MOK: variants seen among roughly 807,000 people sequenced by gnomAD.
The protein encoded by MOK is MAPK/MAK/MRK overlapping kinase.
Under a neutral mutation model 54.2 loss-of-function variants are expected in MOK, and 59 were observed. That is an observed-to-expected ratio of 1.09 (90% confidence interval 0.88 to 1.35). The LOEUF is 1.35. Ranked by LOEUF, MOK falls within the 40% of genes most tolerant of loss-of-function variation. MOK has a pLI of 0.00. For missense variants in MOK, 517 were observed against 526.2 expected (o/e 0.98, Z 0.17); for synonymous variants, 210 against 202.7 (o/e 1.04, Z -0.31).
chr14:102,224,335 C>T (rs577078094), downstream of MOK, among the ~76,000 whole-genome samples: 22 of 152,136 alleles, frequency 1.4e-4, no homozygotes, highest in African/African-American at 4.6e-4. Context: ...CCACTGCGCC[C>T]GGCCTTACCT....
chr14:102,292,365 C>G (rs1376013246), intron 1 of MOK, among the ~76,000 whole-genome samples: 1 of 151,744 alleles, frequency 6.6e-6, no homozygotes, highest in Non-Finnish European at 1.5e-5. Context: ...CCCAGCTACT[C>G]AGGAGGCTGA....
intron 1 of MOK, among the ~76,000 whole-genome samples, chr14:102,287,291 A>G (rs1391265581): frequency 6.6e-6 from 1 of 152,150 alleles, no homozygotes; most frequent in Non-Finnish European, 1.5e-5. Flanking sequence ...CAACATGGCG[A>G]AACTCCATCT....
chr14:102,298,755 C>T (rs139728594), intron 1 of MOK, among the ~76,000 whole-genome samples: 8 of 152,276 alleles, frequency 5.3e-5, no homozygotes, highest in Middle Eastern at 3.4e-3. Flanking sequence ...TGTTCTTTCA[C>T]CCTTTAAAAT....
chr14:102,229,221 A>T lies in MOK; in HGVS notation c.*68T>A. 6.9e-7 allele frequency: 1 copy of T among 1,459,130 alleles called. No homozygotes were observed. Among genetic ancestry groups the T allele is most frequent in the Non-Finnish European group, 9.3e-7 (1 of 1,077,282 alleles). 90.4% of individuals were successfully genotyped at this position (1,459,130 alleles called of 1,614,324 possible). A position where few individuals can be genotyped will look rare whatever the true frequency, so the allele number is the denominator to read the frequency against. ...CAGCCCTCCGTGGCGTCTCAGCAGC[A>T]GATCACCCAGGCCTGGCCCGGTCGG... On this transcript the variant is annotated 3_prime_UTR_variant, in exon 12 of 12. Transcript: ENST00000361847.
At chr14:102,222,975 G>C (rs913502665), downstream of MOK, 23 of 1,527,106 alleles carry the variant, frequency 1.5e-5, no homozygotes, top group Non-Finnish European at 2.0e-5. The surrounding 1 kb of genome is among the most constrained non-coding windows in gnomAD (Gnocchi z 4.4). Context: ...CGTGCCAGCC[G>C]GCGGACCTCA....
chr14:102,222,755 C>G, downstream of MOK: 1 of 1,547,984 alleles, frequency 6.5e-7, no homozygotes, highest in Non-Finnish European at 8.9e-7. The surrounding 1 kb of genome is among the most constrained non-coding windows in gnomAD (Gnocchi z 4.4). Flanking sequence ...CGTGGAGCTG[C>G]TGGCGGAGGG....
chr14:102,237,248 C>T (rs974239675), intron 7 of MOK, among the ~76,000 whole-genome samples: 2 of 152,218 alleles, frequency 1.3e-5, no homozygotes, highest in Non-Finnish European at 1.5e-5. Flanking sequence ...ACAATCTTCT[C>T]CTTTGCAGCC....
downstream of MOK, chr14:102,225,361 A>C (rs2064201644): frequency 6.5e-6 from 1 of 153,136 alleles, no homozygotes; most frequent in Admixed American, 6.5e-5. Context: ...GCACCCGGCC[A>C]AGTCTAGAAT....
At chr14:102,284,804 G>A (rs1055669228) in intron 1 of MOK, among the ~76,000 whole-genome samples, 32 of 152,170 alleles carry the variant, frequency 2.1e-4, no homozygotes, top group African/African-American at 6.8e-4. Context: ...GGGGCCAGGC[G>A]CGGTGGCTCA....
intron 1 of MOK, among the ~76,000 whole-genome samples, chr14:102,285,175 A>C (rs1234852275): frequency 6.6e-6 from 1 of 151,922 alleles, no homozygotes. Context: ...ACAGACCAGA[A>C]ATCTTTAAAC....
chr14:102,231,752 T>C lies in MOK; in HGVS notation c.936A>G (p.Glu312=). 1 of 1,612,516 alleles carries C rather than the reference T, an allele frequency of 6.2e-7. No individual in the cohort carries two copies. The highest frequency in any genetic ancestry group is 8.5e-7 in the Non-Finnish European group (1 of 1,179,646). The change falls in exon 10 of 12, where the codon GAA becomes GAG. Residue 312 remains glutamate (E), a synonymous_variant. Transcript: ENST00000361847. The surrounding 1 kb of genome is among the most constrained non-coding windows in gnomAD (Gnocchi z 4.4). ...AGFPEHPVAP[E]PLSNSCQISK... is the part of the protein sequence containing the mutation. Reference sequence around the variant, plus strand: ...AAATCTGGCAGCTGTTACTGAGTGGTTCCGGTGCCACAGGGTGCTCCGGAA... The same window carrying C: ...AAATCTGGCAGCTGTTACTGAGTGGCTCCGGTGCCACAGGGTGCTCCGGAA...
intron 1 of MOK, among the ~76,000 whole-genome samples, chr14:102,295,442 AT>A (rs200820465): frequency 0.012 from 1,818 of 152,304 alleles, 13 homozygotes; most frequent in Middle Eastern, 0.024. Flanking sequence ...ATTTTTATTC[AT>A]GTGCTGTTTA....
At chr14:102,263,485 A>G in intron 4 of MOK, 61 bp downstream of exon 4, 3 of 1,178,024 alleles carry the variant, frequency 2.5e-6, no homozygotes, top group Non-Finnish European at 3.7e-6. Flanking sequence ...ATAACTAAGC[A>G]TATATGAATT....
chr14:102,279,191 C>T (rs2069164845), intron 2 of MOK, among the ~76,000 whole-genome samples: 1 of 151,454 alleles, frequency 6.6e-6, no homozygotes, highest in Non-Finnish European at 1.5e-5. Flanking sequence ...GGAGATCCTA[C>T]AAATACCAAG....
chr14:102,293,054 A>C (rs2070945901), intron 1 of MOK, among the ~76,000 whole-genome samples: 2 of 152,118 alleles, frequency 1.3e-5, no homozygotes, highest in African/African-American at 4.8e-5. Context: ...AATCGCTTGA[A>C]CCTGGGAGGC....
At chr14:102,291,608 G>GT (rs2070763928) in intron 1 of MOK, among the ~76,000 whole-genome samples, 1 of 152,168 alleles carries the variant, frequency 6.6e-6, no homozygotes, top group Non-Finnish European at 1.5e-5. Context: ...GAAGATCAGT[G>GT]TCTTCATTGT....
chr14:102,215,684 C>T, the MOK span, among the ~76,000 whole-genome samples: 4 of 152,278 alleles, frequency 2.6e-5, no homozygotes, highest in South Asian at 8.3e-4. Flanking sequence ...TGTCTGCCTA[C>T]TCCTCATCTT....
At chr14:102,296,242 T>C (rs1247451602) in intron 1 of MOK, among the ~76,000 whole-genome samples, 2 of 125,844 alleles carry the variant, frequency 1.6e-5, no homozygotes, top group East Asian at 4.3e-4. Context: ...TGAGAGTACG[T>C]CTCAAAAAAA....
chr14:102,304,170 T>C (rs532355750), intron 1 of MOK, among the ~76,000 whole-genome samples: 3 of 152,358 alleles, frequency 2.0e-5, no homozygotes, highest in African/African-American at 7.2e-5. Context: ...ACAATGCAAA[T>C]TTAACATTAT....
Sources: allele counts gnomAD v4.1 joint callset (sites outside exome capture counted in the v4.1 genomes callset), GRCh38; gene constraint gnomAD v4.1.1; non-coding constraint Gnocchi (gnomAD v3.1); transcripts MANE v1.5; gene names NCBI Gene and HGNC (gene_info 2026-07-23, HGNC 2026-07-21).